Variants in SLC45A2 observed in about 807,000 individuals in gnomAD.
SLC45A2 encodes the protein membrane-associated transporter protein.
In SLC45A2, 36 loss-of-function variants were observed where a neutral mutation model predicts 45.5. The ratio of observed to expected loss-of-function variants is 0.79; its 90% CI spans 0.61 to 1.04. SLC45A2 has a LOEUF of 1.04. Ranked by LOEUF, SLC45A2 falls within the 50% of genes least tolerant of loss-of-function variation. SLC45A2 has a pLI of 0.00. For synonymous variants in SLC45A2, 306 were observed against 269.3 expected, an observed-to-expected ratio of 1.14 and a Z score of -1.33; for missense variants, 719 against 671.0, an observed-to-expected ratio of 1.07 and a Z score of -0.79.
chr5:33,983,902 A>G lies in SLC45A2; in HGVS notation c.385+297T>C, dbSNP rs566749348. On this transcript the variant is annotated intron_variant, in intron 1 of 6. Transcript: ENST00000296589. ...TCAAAAAGTAACTCAATTGATAAAT[A>G]TGTAAAAATATTCAATTCGATAAAA... 2.6e-5 allele frequency among the ~76,000 whole-genome samples: 4 copies of G among 152,372 alleles called. No individual in the cohort carries two copies. The South Asian group carries it at 8.3e-4, about 32-fold the overall frequency.
intron 5 of SLC45A2, among the ~76,000 whole-genome samples, chr5:33,950,033 T>A (rs537486863): frequency 3.0e-4 from 46 of 150,976 alleles, no homozygotes; most frequent in Middle Eastern, 3.4e-3. Flanking sequence ...AAAAAAAAAA[T>A]TTTTTTTAAA....
intron 2 of SLC45A2, among the ~76,000 whole-genome samples, chr5:33,968,628 A>G (rs1478992908): frequency 2.7e-5 from 4 of 147,614 alleles, no homozygotes; most frequent in African/African-American, 1.0e-4. Flanking sequence ...GAAATATGTA[A>G]AAAATTGTCT....
chr5:33,951,761 G>C, intron 4 of SLC45A2, 84 bp from the exon 5 acceptor site: 1 of 1,571,166 alleles, frequency 6.4e-7, no homozygotes, highest in Non-Finnish European at 8.8e-7. Flanking sequence ...CCACCTCTGG[G>C]GAGCAAATGT....
At chr5:33,946,118 G>T (rs916637534) in intron 6 of SLC45A2, 44 of 985,242 alleles carry the variant, frequency 4.5e-5, no homozygotes, top group Non-Finnish European at 5.2e-5. Context: ...TTGAATCCAG[G>T]TTTCTCTGAG....
chr5:33,973,617 C>T (rs754219792), intron 2 of SLC45A2, among the ~76,000 whole-genome samples: 4 of 152,098 alleles, frequency 2.6e-5, no homozygotes, highest in African/African-American at 9.7e-5. Flanking sequence ...GTTGCATGTT[C>T]GCATTTTTTG....
chr5:33,966,291 T>A (rs1321965720), intron 2 of SLC45A2, among the ~76,000 whole-genome samples: 1 of 152,214 alleles, frequency 6.6e-6, no homozygotes. Flanking sequence ...TCAATAAACA[T>A]GTATCGAACA....
At chr5:33,959,917 C>G (rs1169820450) in intron 3 of SLC45A2, among the ~76,000 whole-genome samples, 1 of 152,062 alleles carries the variant, frequency 6.6e-6, no homozygotes, top group African/African-American at 2.4e-5. Flanking sequence ...TAACTAACAG[C>G]TAAGATGTAT....
chr5:33,977,319 CAGG>C (rs1752958211), intron 2 of SLC45A2, among the ~76,000 whole-genome samples: 1 of 152,174 alleles, frequency 6.6e-6, no homozygotes. Context: ...ATAAAGGCCC[CAGG>C]AGGAGATGAA....
intron 2 of SLC45A2, among the ~76,000 whole-genome samples, chr5:33,973,846 C>T (rs976084944): frequency 1.9e-4 from 9 of 48,098 alleles, no homozygotes; most frequent in African/African-American, 3.8e-4. Flanking sequence ...GTTCATTGTG[C>T]TGTGCCTGTG....
chr5:33,951,874 T>C (rs1339158411), intron 4 of SLC45A2, among the ~76,000 whole-genome samples, 197 bp from the exon 5 acceptor site: 1 of 152,168 alleles, frequency 6.6e-6, no homozygotes, highest in African/African-American at 2.4e-5. Context: ...ATCTAATGCT[T>C]GCTGCATCAG....
intron 3 of SLC45A2, among the ~76,000 whole-genome samples, chr5:33,956,385 G>A (rs1752276674): frequency 6.6e-6 from 1 of 152,128 alleles, no homozygotes; most frequent in Admixed American, 6.5e-5. Context: ...CAGAGCAATG[G>A]CTACCGAGAG....
chr5:33,960,343 G>C (rs73077127), intron 3 of SLC45A2, among the ~76,000 whole-genome samples: 4,898 of 151,702 alleles, frequency 0.032, 170 homozygotes, highest in Middle Eastern at 0.095. Context: ...ATTTAGGTTG[G>C]TTCCACGTTT....
At chr5:33,958,437 G>A (rs893602543) in intron 3 of SLC45A2, among the ~76,000 whole-genome samples, 2 of 152,088 alleles carry the variant, frequency 1.3e-5, no homozygotes, top group African/African-American at 4.8e-5. Context: ...GAAGAGAAGT[G>A]CAAATCCATG....
intron 5 of SLC45A2, among the ~76,000 whole-genome samples, chr5:33,948,640 T>C (rs191312372): frequency 1.3e-5 from 2 of 152,340 alleles, no homozygotes; most frequent in African/African-American, 4.8e-5. Context: ...ATTAAACTTA[T>C]ACCATGACTG....
intron 5 of SLC45A2, 41 bp from the exon 6 acceptor site, chr5:33,947,415 C>T (rs1377245672): frequency 6.5e-7 from 1 of 1,529,856 alleles, no homozygotes; most frequent in Admixed American, 1.7e-5. Context: ...CTGGCAGTGC[C>T]TCATAACATT....
chr5:33,956,526 A>T (rs571356076), intron 3 of SLC45A2, among the ~76,000 whole-genome samples: 7 of 152,338 alleles, frequency 4.6e-5, no homozygotes, highest in Admixed American at 2.6e-4. Flanking sequence ...ATATCTACTT[A>T]CTATGAGAGT....
intron 3 of SLC45A2, among the ~76,000 whole-genome samples, chr5:33,956,808 T>C (rs560498270): frequency 6.6e-6 from 1 of 152,304 alleles, no homozygotes; most frequent in East Asian, 1.9e-4. Context: ...TAGCTAAATC[T>C]CCAGGACCCC....
intron 2 of SLC45A2, among the ~76,000 whole-genome samples, chr5:33,977,953 A>C (rs534239967): frequency 1.3e-5 from 2 of 152,316 alleles, no homozygotes; most frequent in East Asian, 3.9e-4. Flanking sequence ...TGAATCTGGA[A>C]GCTATCAGTT....
intron 3 of SLC45A2, among the ~76,000 whole-genome samples, chr5:33,959,319 T>C (rs1485025134): frequency 6.6e-6 from 1 of 152,186 alleles, no homozygotes; most frequent in African/African-American, 2.4e-5. Context: ...AATGTTATCA[T>C]ATAGATATTC....
Sources: gnomAD v4.1 joint callset for allele counts (sites outside exome capture counted in the v4.1 genomes callset) on GRCh38, gnomAD v4.1.1 for gene constraint, MANE v1.5 for transcripts, NCBI Gene and HGNC (gene_info 2026-07-23, HGNC 2026-07-21) for gene names.